ITGA5: variants seen among roughly 807,000 people sequenced by gnomAD.
ITGA5 encodes integrin subunit alpha 5.
ITGA5 carries 55 observed loss-of-function variants against 146.3 expected under a neutral mutation model. The ratio of observed to expected loss-of-function variants is 0.38; its 90% CI spans 0.30 to 0.47. The LOEUF is 0.47. Ranked by LOEUF, ITGA5 falls within the 20% of genes least tolerant of loss-of-function variation. The pLI, the probability that ITGA5 is intolerant of heterozygous loss-of-function variation, is 0.99. For missense variants in ITGA5, 1,131 were observed against 1,329.0 expected (o/e 0.85, Z 2.32); for synonymous variants, 500 against 531.8 (o/e 0.94, Z 0.82).
intron 2 of ITGA5, 100 bp downstream of exon 2, chr12:54,411,734 G>C (rs1955945981): frequency 9.4e-7 from 1 of 1,059,784 alleles, no homozygotes. Context: ...ACGTGGCCGG[G>C]GTTCCAGCAG....
intron 19 of ITGA5, 83 bp downstream of exon 19, chr12:54,402,900 G>A (rs990264057): frequency 8.9e-6 from 10 of 1,120,546 alleles, no homozygotes; most frequent in Admixed American, 3.5e-5. Context: ...TTCCCAAGGC[G>A]ACACAGCTAG....
chr12:54,404,471 C>G lies in ITGA5; in HGVS notation c.1422G>C (p.Leu474=), dbSNP rs1205489349. ...TGTCCACACCAAAGGACCCCACAAT[C>G]AGATCTGTAAGAAGTCAAGAAATCA... ...RDLDGNGYPD[L]IVGSFGVDKA... Residue 474 remains leucine (L), a synonymous_variant, in exon 14 of 30, where the codon CTG becomes CTC. Transcript: ENST00000293379. 1 of 1,614,204 alleles carries G rather than the reference C, an allele frequency of 6.2e-7. No individual in the cohort carries two copies. Among genetic ancestry groups the G allele is most frequent in the Non-Finnish European group, 8.5e-7 (1 of 1,180,004 alleles).
Position 54,403,554 on chromosome 12 carries a change from T to C in ITGA5, c.1776+71A>G. On this transcript the variant is annotated intron_variant, in intron 17 of 29. Coordinates refer to ENST00000293379, the MANE Select transcript of ITGA5 (RefSeq NM_002205.5). The surrounding 1 kb of genome is among the most constrained non-coding windows in gnomAD (Gnocchi z 4.9). ...ACTGGAGTCCCCCAGTCTTTTTCCC[T>C]TCAGGAGGTGCCCTCAGTTCTGTGT... 1 of 1,521,436 alleles carries C rather than the reference T, an allele frequency of 6.6e-7. No homozygotes were observed. The highest frequency in any genetic ancestry group is 1.4e-5 in the African/African-American group (1 of 72,772). The allele number at this position is 1,521,436 out of a possible 1,614,324, so 94.2% of individuals were successfully genotyped here.
rs545587594 is a variant in ITGA5, at chr12:54,395,582, G to A, written c.*711C>T. ...CTGGGCCTCCAGGATCAGGTCTGGAGCAGGCCCAAATATAGTCCTGGATCT... is the reference window on the plus strand; with the variant it reads ...CTGGGCCTCCAGGATCAGGTCTGGAACAGGCCCAAATATAGTCCTGGATCT... On this transcript the variant is annotated 3_prime_UTR_variant, in exon 30 of 30. Coordinates refer to ENST00000293379, the MANE Select transcript of ITGA5 (RefSeq NM_002205.5). The A allele has an allele frequency of 6.6e-6, 1 of 152,584 alleles. No individual in the cohort carries two copies. Among genetic ancestry groups the A allele is most frequent in the South Asian group, 2.1e-4 (1 of 4,832 alleles). 9.5% of individuals were successfully genotyped at this position (152,584 alleles called of 1,614,324 possible).
At position 54,405,197 on chromosome 12, in the gene ITGA5, G is replaced by C. The variant is rs1955847246; in HGVS notation, c.1194C>G (p.Pro398=). The change falls in exon 12 of 30, where the codon CCC becomes CCG. Residue 398 remains proline (P), a synonymous_variant. Transcript: ENST00000293379. ...EFGRFGSSLT[P]LGDLDQDGYN... The stretch of plus-strand genomic sequence containing the variant: ...AGCCATCCTGGTCCAGGTCCCCCAG[G>C]GGGGTCAAGGAGCTGCCAAATCGGC... The C allele has an allele frequency of 6.2e-7, 1 of 1,610,002 alleles. No individual in the cohort carries two copies. Among genetic ancestry groups the C allele is most frequent in the East Asian group, 2.2e-5 (1 of 44,766 alleles).
At chr12:54,406,187 CCCA>C (rs1955864161) in intron 9 of ITGA5, 13 of 550,610 alleles carry the variant, frequency 2.4e-5, no homozygotes, top group Non-Finnish European at 4.2e-5. Flanking sequence ...TCCCTCTCTA[CCCA>C]CTAGAATGTA....
chr12:54,410,111 TC>T (rs1955923875), intron 2 of ITGA5, among the ~76,000 whole-genome samples: 1 of 151,728 alleles, frequency 6.6e-6, no homozygotes, highest in South Asian at 2.1e-4. Context: ...CGCCTCAGCC[TC>T]CCAAAGTGCT....
intron 10 of ITGA5, 23 bp from the exon 11 acceptor site, chr12:54,405,739 G>C: frequency 6.2e-7 from 1 of 1,613,276 alleles, no homozygotes; most frequent in Non-Finnish European, 8.5e-7. Context: ...AAGGGGCAGC[G>C]CTGGGTCAGA....
chr12:54,412,817 C>T (rs1028022081), intron 1 of ITGA5, among the ~76,000 whole-genome samples: 1 of 152,174 alleles, frequency 6.6e-6, no homozygotes, highest in Non-Finnish European at 1.5e-5. Flanking sequence ...GGTCTCTTGC[C>T]TCCAAGACCT....
Position 54,399,880 on chromosome 12 carries a change from G to A in ITGA5, c.2711C>T (p.Ser904Leu), listed in dbSNP as rs746124596. ...CTGACTTACCAGGATCTGAGGTCCC[G>A]AGGAAGCAGAGCTGCGGCTTGGAGC... ...REAPSRSSAS[S>L]GPQILKCPEA... Residue 904 changes from serine (S) to leucine (L), a missense_variant, in exon 26 of 30, where the codon TCG (serine) becomes TTG (leucine). Coordinates refer to ENST00000293379, the MANE Select transcript of ITGA5 (RefSeq NM_002205.5). 106 of 1,613,982 alleles carry A rather than the reference G, an allele frequency of 6.6e-5. No individual in the cohort carries two copies. The highest frequency in any genetic ancestry group is 7.8e-5 in the Non-Finnish European group (92 of 1,179,958).
intron 1 of ITGA5, among the ~76,000 whole-genome samples, chr12:54,414,109 G>A (rs1050854349): frequency 2.0e-5 from 3 of 152,240 alleles, no homozygotes; most frequent in African/African-American, 7.2e-5. Flanking sequence ...AAGGGACACA[G>A]ACCTAGGCCT....
At chr12:54,411,750 AC>A in intron 2 of ITGA5, 83 bp downstream of exon 2, 2 of 1,252,128 alleles carry the variant, frequency 1.6e-6, no homozygotes, top group Non-Finnish European at 2.1e-6. Context: ...AGCAGGCTCC[AC>A]CCCTCGCCCC....
rs878972350 is a variant in ITGA5 at position 54,399,668 on chromosome 12, C to T, written c.2818G>A (p.Val940Ile). 2.5e-6 allele frequency: 4 copies of T among 1,614,140 alleles called. No individual in the cohort carries two copies. The highest frequency in any genetic ancestry group is 3.3e-4 in the Middle Eastern group (2 of 6,062). Residue 940 changes from valine (V) to isoleucine (I), a missense_variant, in exon 27 of 30, where the codon GTC becomes ATC. Coordinates refer to ENST00000293379, the MANE Select transcript of ITGA5 (RefSeq NM_002205.5). ...ESQSLQLHFR[V>I]WAKTFLQREH... ...ACCTGCAAGAAAGTCTTGGCCCAGA[C>T]TCGGAAATGCAACTGCAGACTTTGG...
rs1955725719 is a variant in ITGA5 at position 54,397,400 on chromosome 12, G to A, written c.3031C>T (p.Leu1011=). 6.8e-6 allele frequency: 11 copies of A among 1,614,140 alleles called. No homozygotes were observed. The highest frequency in any genetic ancestry group is 9.3e-6 in the Non-Finnish European group (11 of 1,180,002). The change falls in exon 29 of 30, where the codon CTG becomes TTG. Residue 1011 remains leucine (L), a synonymous_variant. Transcript: ENST00000293379. ...IIILAILFGL[L]LLGLLIYILY... Reference sequence around the variant, plus strand: ...ATGTAGATGAGTAGACCTAGGAGCAGGAGGCCAAACAGGATGGCTAGGATG... The same window carrying A: ...ATGTAGATGAGTAGACCTAGGAGCAAGAGGCCAAACAGGATGGCTAGGATG...
rs1354588782 is a variant in ITGA5 at position 54,416,236 on chromosome 12, A to AT, written c.218+2744dup. 6.6e-6 allele frequency among the ~76,000 whole-genome samples: 1 copy of AT among 151,998 alleles called. No homozygotes were observed. The highest frequency in any genetic ancestry group is 1.5e-5 in the Non-Finnish European group (1 of 68,000). Reference sequence around the variant, plus strand: ...AGGTGCGTGCCAGCACGCTCGGCTAATTTTTTTATTTTTAGTAGAGATGGG... The same window carrying AT: ...AGGTGCGTGCCAGCACGCTCGGCTAATTTTTTTTATTTTTAGTAGAGATGGG... On this transcript the variant is annotated intron_variant, in intron 1 of 29. Transcript: ENST00000293379. This position sits in a 1 kb window ranked among gnomAD's most constrained non-coding sequence, Gnocchi z 4.1.
chr12:54,407,470 G>T, intron 9 of ITGA5, 179 bp downstream of exon 9: 1 of 647,086 alleles, frequency 1.5e-6, no homozygotes. Context: ...TCAGCAGGAA[G>T]CAGAGTATGA....
Position 54,409,262 on chromosome 12 carries a change from G to T in ITGA5, c.553C>A (p.Arg185=). 6.2e-7 allele frequency: 1 copy of T among 1,613,884 alleles called. No homozygotes were observed. Among genetic ancestry groups the T allele is most frequent in the South Asian group, 1.1e-5 (1 of 91,042 alleles). Residue 185 remains arginine, a synonymous_variant, in exon 4 of 30, where the codon CGA becomes AGA. Coordinates refer to ENST00000293379, the MANE Select transcript of ITGA5 (RefSeq NM_002205.5). This position sits in a 1 kb window ranked among gnomAD's most constrained non-coding sequence, Gnocchi z 4.7. The part of the protein sequence containing the change: ...TCYLSTDNFT[R]ILEYAPCRSD... ...CGGCAGGGTGCATACTCCAGAATTCGGGTGAAGTTATCTGTGGAGAGGTAG... is the reference window on the plus strand; with the variant it reads ...CGGCAGGGTGCATACTCCAGAATTCTGGTGAAGTTATCTGTGGAGAGGTAG...
chr12:54,401,247 T>G lies in ITGA5; in HGVS notation c.2493+126A>C. 1.2e-6 allele frequency: 1 copy of G among 835,052 alleles called. No homozygotes were observed. The highest frequency in any genetic ancestry group is 2.0e-6 in the Non-Finnish European group (1 of 492,304). 51.7% of individuals were successfully genotyped at this position (835,052 alleles called of 1,614,324 possible). On this transcript the variant is annotated intron_variant, in intron 24 of 29. Coordinates refer to ENST00000293379, the MANE Select transcript of ITGA5 (RefSeq NM_002205.5). The surrounding 1 kb of genome is among the most constrained non-coding windows in gnomAD (Gnocchi z 5.0). ...TCTCACAGGACTCTGCCTCATGCCT[T>G]TGCATATCACTTACTCCTCCCTCCT...
chr12:54,417,298 T>G (rs757415827), intron 1 of ITGA5, among the ~76,000 whole-genome samples: 15 of 151,838 alleles, frequency 9.9e-5, no homozygotes, highest in Non-Finnish European at 1.9e-4. Context: ...AAGAGAAGGT[T>G]AAATGCCAGA....
Sources: gnomAD v4.1 joint callset for allele counts (sites outside exome capture counted in the v4.1 genomes callset) on GRCh38, gnomAD v4.1.1 for gene constraint, Gnocchi (gnomAD v3.1) non-coding constraint, MANE v1.5 for transcripts, NCBI Gene and HGNC (gene_info 2026-07-23, HGNC 2026-07-21) for gene names.